Variants in ANKRD36C observed in about 807,000 individuals in gnomAD.
ANKRD36C encodes ankyrin repeat domain 36C, also known as ankyrin repeat domain-containing protein 36C.
ANKRD36C carries 61 observed loss-of-function variants against 276.4 expected under a neutral mutation model. That is an observed-to-expected ratio of 0.22 (90% CI 0.18 to 0.27). The LOEUF (loss-of-function observed/expected upper bound fraction) is 0.27. Among genes scored for constraint, ANKRD36C ranks in the 10% least tolerant of loss-of-function variants. The probability of loss-of-function intolerance (pLI) is 1.00; values close to 1 mark genes in which losing one functional copy is unlikely to be tolerated. For synonymous variants in ANKRD36C, 483 were observed against 680.1 expected, an observed-to-expected ratio of 0.71 and a Z score of 4.51; for missense variants, 1,447 against 2,032.3, an observed-to-expected ratio of 0.71 and a Z score of 5.54.
At chr2:95,890,757 A>T (rs1457773453) in intron 46 of ANKRD36C, among the ~76,000 whole-genome samples, 1 of 151,616 alleles carries the variant, frequency 6.6e-6, no homozygotes, top group South Asian at 2.1e-4. Flanking sequence ...TCAGTTTTTC[A>T]TTCAGAAATC....
rs540560318 is a variant in ANKRD36C, at chr2:95,891,631, C to T, written c.2857+34G>A. 20 of 1,540,304 alleles carry T rather than the reference C, an allele frequency of 1.3e-5. 1 individual carries two copies. The South Asian group carries it at 1.8e-4, about 14-fold the overall frequency. ...GAAGAGAATTTCTTATCTATCTGCA[C>T]TGAACATGACATTAAATCTCTTTTC... On this transcript the variant is annotated intron_variant, in intron 46 of 66. Coordinates refer to ENST00000456556, the Ensembl canonical transcript of ANKRD36C.
exon 50 of ANKRD36C, chr2:95,887,939 T>C: frequency 1.9e-6 from 3 of 1,593,666 alleles, no homozygotes; most frequent in Non-Finnish European, 2.6e-6. Context: ...TCCAGATTGT[T>C]GTCCATCCTT....
chr2:95,946,573 ACTATAAATCATGCTG>A (rs1443670653), intron 17 of ANKRD36C, among the ~76,000 whole-genome samples: 1 of 145,264 alleles, frequency 6.9e-6, no homozygotes, highest in Non-Finnish European at 1.5e-5. Context: ...TACCCAAAGG[ACTATAAATCATGCTG>A]CTATAAAGAC....
At chr2:95,967,704 G>C (rs1332034723) in intron 6 of ANKRD36C, among the ~76,000 whole-genome samples, 1 of 151,936 alleles carries the variant, frequency 6.6e-6, no homozygotes, top group Non-Finnish European at 1.5e-5. Flanking sequence ...TGTAATCTCA[G>C]CTACTCAGAA....
At chr2:95,955,678 TA>T (rs1341274042) in intron 13 of ANKRD36C, among the ~76,000 whole-genome samples, 5 of 152,140 alleles carry the variant, frequency 3.3e-5, no homozygotes, top group Non-Finnish European at 7.4e-5. Context: ...CAGAATGATG[TA>T]AAAGAAGACT....
At chr2:95,891,966 C>T (rs571143741) in intron 44 of ANKRD36C, 106 bp from the exon 65 acceptor site, 200 of 1,524,050 alleles carry the variant, frequency 1.3e-4, no homozygotes, top group African/African-American at 6.8e-4. Flanking sequence ...CCTGTATTAG[C>T]GTAGGCTTTG....
intron 6 of ANKRD36C, among the ~76,000 whole-genome samples, chr2:95,974,446 T>G (rs1678763044): frequency 6.6e-6 from 1 of 152,268 alleles, no homozygotes; most frequent in South Asian, 2.1e-4. Context: ...GTGTTAGAAA[T>G]GTGTTCTAAT....
At chr2:95,965,780 G>GATATATATAT (rs145122711) in intron 6 of ANKRD36C, among the ~76,000 whole-genome samples, 1 of 150,798 alleles carries the variant, frequency 6.6e-6, no homozygotes. Context: ...GGATAGATCT[G>GATATATATAT]ATATATATAT....
chr2:95,868,459 A>C (rs1427103956), intron 59 of ANKRD36C, among the ~76,000 whole-genome samples: 1 of 152,024 alleles, frequency 6.6e-6, no homozygotes, highest in Non-Finnish European at 1.5e-5. Flanking sequence ...CTTTTATTTC[A>C]TCCATAGCTA....
At chr2:95,887,621 A>AT (rs1676231665) in intron 50 of ANKRD36C, among the ~76,000 whole-genome samples, 1 of 151,622 alleles carries the variant, frequency 6.6e-6, no homozygotes, top group Non-Finnish European at 1.5e-5. Flanking sequence ...TTCTACCCTT[A>AT]TTGAAAACAT....
At chr2:95,898,101 G>A (rs373259966) in intron 44 of ANKRD36C, among the ~76,000 whole-genome samples, 5 of 148,996 alleles carry the variant, frequency 3.4e-5, no homozygotes, top group East Asian at 2.0e-4. Context: ...TTAGCCTTCC[G>A]AAAGTTTCTT....
intron 44 of ANKRD36C, among the ~76,000 whole-genome samples, chr2:95,894,791 C>T (rs1158272327): frequency 1.3e-5 from 2 of 151,242 alleles, no homozygotes; most frequent in Admixed American, 6.6e-5. Context: ...AGAAATGTTT[C>T]CTGCTTCCAG....
chr2:95,948,595 A>G, exon 17 of ANKRD36C: 10 of 1,534,174 alleles, frequency 6.5e-6, no homozygotes, highest in Non-Finnish European at 8.7e-6. Context: ...AGGTAGAGAC[A>G]CCTACAGAGC....
intron 44 of ANKRD36C, among the ~76,000 whole-genome samples, chr2:95,892,334 T>C (rs1240943787): frequency 6.6e-6 from 1 of 151,478 alleles, no homozygotes; most frequent in Non-Finnish European, 1.5e-5. Context: ...ACGATAACAA[T>C]TCAATTGAAT....
At position 95,980,020 on chromosome 2, in the gene ANKRD36C, A is replaced by G. The variant is rs527684560; in HGVS notation, c.731+628T>C. Among the ~76,000 whole-genome samples the G allele has an allele frequency of 1.2e-4, 18 of 152,224 alleles. No homozygotes were observed. The East Asian group carries it at 3.3e-3, about 28-fold the overall frequency. On this transcript the variant is annotated intron_variant, in intron 5 of 66. Coordinates refer to ENST00000456556, the Ensembl canonical transcript of ANKRD36C. ...AACTTTGAAGCCTTTTTATGGATCAACATGAAGATTGAGGGATGTCAAACA... is the reference window on the plus strand; with the variant it reads ...AACTTTGAAGCCTTTTTATGGATCAGCATGAAGATTGAGGGATGTCAAACA...
intron 44 of ANKRD36C, 25 bp from the exon 60 acceptor site, chr2:95,897,367 A>G (rs756092187): frequency 3.2e-6 from 5 of 1,554,396 alleles, no homozygotes. Context: ...AAATGAAATA[A>G]TAAATTAATA....
chr2:95,982,246 A>C lies in ANKRD36C; in HGVS notation c.593+10T>G, dbSNP rs1243525976. 2.0e-6 allele frequency: 3 copies of C among 1,524,104 alleles called. No individual in the cohort carries two copies. The highest frequency in any genetic ancestry group is 2.7e-6 in the Non-Finnish European group (3 of 1,130,024). 94.4% of individuals were successfully genotyped at this position (1,524,104 alleles called of 1,614,324 possible). A position where few individuals can be genotyped will look rare whatever the true frequency, so the allele number is the denominator to read the frequency against. ...TTTAAAAACAACACAATAAGAACTA[A>C]GGTCTGTACCTGCCAAGATAATCAA... On this transcript the variant is annotated intron_variant, in intron 4 of 66. Coordinates refer to ENST00000456556, the Ensembl canonical transcript of ANKRD36C.
At position 95,925,774 on chromosome 2, in the gene ANKRD36C, T is replaced by C. The variant is rs574056215; in HGVS notation, c.1940-227A>G. Among the ~76,000 whole-genome samples, 23 of 151,714 alleles carry C rather than the reference T, an allele frequency of 1.5e-4. No homozygotes were observed. In the East Asian group the frequency reaches 2.1e-3, roughly 14 times the overall value. On this transcript the variant is annotated intron_variant, in intron 28 of 66. Coordinates refer to ENST00000456556, the Ensembl canonical transcript of ANKRD36C. ...TCAGAAATTACAAAGAGGTATTATG[T>C]GTCATGTGTGTATTACTGAAATAAA...
At chr2:95,944,664 T>A in exon 19 of ANKRD36C, 1 of 1,537,258 alleles carries the variant, frequency 6.5e-7, no homozygotes, top group Non-Finnish European at 8.7e-7. Context: ...GGTTCCATTT[T>A]CTGTTTTGTC....
Sources: gnomAD v4.1 joint callset for allele counts (sites outside exome capture counted in the v4.1 genomes callset) on GRCh38, gnomAD v4.1.1 for gene constraint, MANE v1.5 for transcripts, NCBI Gene and HGNC (gene_info 2026-07-23, HGNC 2026-07-21) for gene names.